The following POLA2 variants were observed in gnomAD, a reference collection of about 807,000 sequenced individuals.
The protein encoded by POLA2 is DNA polymerase alpha subunit B.
A neutral mutation model predicts 82.8 loss-of-function variants in POLA2; 47 were observed. The ratio of observed to expected loss-of-function variants is 0.57; its 90% CI spans 0.45 to 0.72. The LOEUF is 0.72. Ranked by LOEUF, POLA2 falls within the 30% of genes least tolerant of loss-of-function variation. POLA2 has a pLI of 0.00. For missense variants in POLA2, 634 were observed against 728.1 expected, an observed-to-expected ratio of 0.87 and a Z score of 1.49; for synonymous variants, 287 against 286.8, an observed-to-expected ratio of 1.00 and a Z score of -0.01.
intron 9 of POLA2, 131 bp from the exon 10 acceptor site, chr11:65,282,348 C>T: frequency 1.4e-6 from 1 of 734,838 alleles, no homozygotes; most frequent in East Asian, 2.5e-5. Flanking sequence ...ACATCCTTCC[C>T]CTGCCCTCTC....
At chr11:65,265,669 G>A (rs1353164017) in intron 1 of POLA2, among the ~76,000 whole-genome samples, 1 of 152,016 alleles carries the variant, frequency 6.6e-6, no homozygotes, top group Non-Finnish European at 1.5e-5. Context: ...TTATAGAAAC[G>A]GTTTCACCCT....
intron 10 of POLA2, among the ~76,000 whole-genome samples, chr11:65,287,304 C>T (rs1432653201): frequency 6.6e-6 from 1 of 152,168 alleles, no homozygotes; most frequent in East Asian, 1.9e-4. Context: ...CCACATTCTC[C>T]AGCCACACTG....
At chr11:65,305,955 T>C (rs1371192611), downstream of POLA2, among the ~76,000 whole-genome samples, 3 of 151,870 alleles carry the variant, frequency 2.0e-5, no homozygotes, top group African/African-American at 7.3e-5. Context: ...TGATGTAGAG[T>C]GGTCTCCAAA....
At chr11:65,280,805 C>T in intron 7 of POLA2, 187 bp from the exon 8 acceptor site, 1 of 579,866 alleles carries the variant, frequency 1.7e-6, no homozygotes, top group Non-Finnish European at 3.0e-6. Flanking sequence ...GGACAAGATG[C>T]CCTTTCAGAG....
intron 4 of POLA2, among the ~76,000 whole-genome samples, chr11:65,269,826 T>G (rs931181876): frequency 2.6e-5 from 4 of 152,182 alleles, no homozygotes; most frequent in African/African-American, 9.7e-5. Flanking sequence ...GTAATTATTC[T>G]TTTTTGTTGT....
At chr11:65,297,071 C>A (rs905787457) in intron 17 of POLA2, 49 bp from the exon 18 acceptor site, 31 of 1,603,372 alleles carry the variant, frequency 1.9e-5, no homozygotes, top group Non-Finnish European at 2.6e-5. Context: ...ACATTGGTTC[C>A]CAGTTAGTTG....
At chr11:65,270,742 G>T (rs188343164) in intron 4 of POLA2, among the ~76,000 whole-genome samples, 143 of 152,282 alleles carry the variant, frequency 9.4e-4, no homozygotes, top group African/African-American at 3.3e-3. Context: ...TCTCCTGAAT[G>T]ATTGGGACAG....
downstream of POLA2, among the ~76,000 whole-genome samples, chr11:65,305,877 G>T (rs945423473): frequency 6.6e-6 from 1 of 152,176 alleles, no homozygotes; most frequent in Non-Finnish European, 1.5e-5. Context: ...AAGTGCATCT[G>T]TAAATTACCA....
chr11:65,295,205 G>C (rs1207722098), intron 15 of POLA2, among the ~76,000 whole-genome samples: 3 of 152,230 alleles, frequency 2.0e-5, no homozygotes, highest in Non-Finnish European at 4.4e-5. Context: ...TGAGGTTTGA[G>C]ATTCAGGTCA....
At chr11:65,304,702 A>T (rs537719930) in intron 8 of POLA2, among the ~76,000 whole-genome samples, 1 of 152,304 alleles carries the variant, frequency 6.6e-6, no homozygotes, top group Non-Finnish European at 1.5e-5. Context: ...TGGAGGGAGC[A>T]AATCGCAGGG....
At chr11:65,283,754 A>G (rs555942479) in intron 10 of POLA2, among the ~76,000 whole-genome samples, 3 of 152,226 alleles carry the variant, frequency 2.0e-5, no homozygotes, top group East Asian at 3.9e-4. Context: ...GATTGCAGGC[A>G]TGAGCCACCA....
chr11:65,299,544 G>T (rs1236128213), downstream of POLA2, among the ~76,000 whole-genome samples: 1 of 152,246 alleles, frequency 6.6e-6, no homozygotes, highest in South Asian at 2.1e-4. Context: ...GGCCGGCAGG[G>T]CCATGGCGCG....
intron 11 of POLA2, among the ~76,000 whole-genome samples, chr11:65,288,435 T>C (rs1342493741): frequency 6.6e-6 from 1 of 152,066 alleles, no homozygotes; most frequent in Non-Finnish European, 1.5e-5. Context: ...CTATTATTAG[T>C]ATGGTGATCA....
At chr11:65,294,891 A>G (rs1949793657) in intron 15 of POLA2, 2 of 386,830 alleles carry the variant, frequency 5.2e-6, no homozygotes, top group Middle Eastern at 6.9e-4. Context: ...AACCACGTCC[A>G]TTCTGTCTTT....
At chr11:65,291,088 C>G (rs1415311069) in intron 13 of POLA2, among the ~76,000 whole-genome samples, 1 of 152,232 alleles carries the variant, frequency 6.6e-6, no homozygotes, top group Non-Finnish European at 1.5e-5. Context: ...GAAAGTTATT[C>G]AGAAATCTGA....
downstream of POLA2, among the ~76,000 whole-genome samples, chr11:65,305,747 G>A (rs543509191): frequency 2.6e-5 from 4 of 152,280 alleles, no homozygotes; most frequent in Middle Eastern, 3.4e-3. Context: ...AGTCCCTTCT[G>A]GGAATGTATT....
intron 13 of POLA2, among the ~76,000 whole-genome samples, chr11:65,293,168 T>C (rs1476707746): frequency 6.6e-6 from 1 of 152,200 alleles, no homozygotes; most frequent in Non-Finnish European, 1.5e-5. Context: ...CAGGGCATTA[T>C]TTCCATGTGT....
intron 13 of POLA2, among the ~76,000 whole-genome samples, chr11:65,292,712 ACATCT>A (rs1169198964): frequency 6.6e-6 from 1 of 152,198 alleles, no homozygotes; most frequent in Non-Finnish European, 1.5e-5. Flanking sequence ...TCTGTTATAG[ACATCT>A]CAGTTCACAC....
rs754359019 is a variant in POLA2 at position 65,262,382 on chromosome 11, CA to C, written c.79+12del. The C allele has an allele frequency of 6.2e-7, 1 of 1,607,114 alleles. No individual in the cohort carries two copies. Among genetic ancestry groups the C allele is most frequent in the Non-Finnish European group, 8.5e-7 (1 of 1,175,628 alleles). On this transcript the variant is annotated intron_variant, in intron 1 of 17. Coordinates refer to ENST00000265465, the MANE Select transcript of POLA2 (RefSeq NM_002689.4). ...CTCTAATTGAGAAATGTGAGTCCCG[CA>C]CCCCTCCCGCCCTGCAGCCGTGCTC...
Sources: gnomAD v4.1 joint callset for allele counts (sites outside exome capture counted in the v4.1 genomes callset) on GRCh38, gnomAD v4.1.1 for gene constraint, MANE v1.5 for transcripts, NCBI Gene and HGNC (gene_info 2026-07-23, HGNC 2026-07-21) for gene names.